THADA: variants seen among roughly 807,000 people sequenced by gnomAD.
THADA encodes the protein tRNA (32-2'-O)-methyltransferase regulator THADA.
THADA carries 213 observed loss-of-function variants against 219.8 expected under a neutral mutation model. That is an observed-to-expected ratio of 0.97 (90% CI 0.87 to 1.09). The LOEUF (loss-of-function observed/expected upper bound fraction) is 1.09, where lower values mean the gene tolerates loss of function less well. Ranked by LOEUF, THADA falls within the 50% of genes least tolerant of loss-of-function variation. The probability of loss-of-function intolerance (pLI) is 0.00; values close to 1 mark genes in which losing one functional copy is unlikely to be tolerated. For synonymous variants in THADA, 1,018 were observed against 828.9 expected, an observed-to-expected ratio of 1.23 and a Z score of -3.92; for missense variants, 2,956 against 2,311.3, an observed-to-expected ratio of 1.28 and a Z score of -5.72.
At chr2:43,479,346 T>C (rs1186751262) in intron 26 of THADA, among the ~76,000 whole-genome samples, 2 of 152,126 alleles carry the variant, frequency 1.3e-5, no homozygotes, top group African/African-American at 2.4e-5. Flanking sequence ...CTTACACAAA[T>C]TGCTTAACTT....
intron 26 of THADA, among the ~76,000 whole-genome samples, chr2:43,476,194 GT>G (rs1685520967): frequency 6.6e-6 from 1 of 152,220 alleles, no homozygotes; most frequent in African/African-American, 2.4e-5. Flanking sequence ...GAAGAAAAGT[GT>G]GTAGAGTGTG....
intron 22 of THADA, among the ~76,000 whole-genome samples, chr2:43,525,726 A>C (rs1693089317): frequency 6.6e-6 from 1 of 152,224 alleles, no homozygotes; most frequent in Middle Eastern, 3.2e-3. Flanking sequence ...AGCCCTGCCC[A>C]AATTGTTGAG....
At chr2:43,584,129 T>C (rs565860603) in intron 7 of THADA, among the ~76,000 whole-genome samples, 1 of 146,554 alleles carries the variant, frequency 6.8e-6, no homozygotes, top group East Asian at 2.0e-4. Context: ...TCACCTAGAA[T>C]AGGCAAATTC....
intron 31 of THADA, among the ~76,000 whole-genome samples, chr2:43,305,472 C>T (rs3862993): frequency 0.23 from 35,314 of 152,110 alleles, 5,201 homozygotes; most frequent in African/African-American, 0.41. Flanking sequence ...TCTGCTTACA[C>T]AGGTGTGGCC....
intron 26 of THADA, among the ~76,000 whole-genome samples, chr2:43,444,902 T>A (rs921335716): frequency 3.9e-5 from 6 of 152,050 alleles, no homozygotes; most frequent in African/African-American, 1.4e-4. Context: ...GAAACAGTAG[T>A]AAAGGTGTGG....
chr2:43,468,757 T>C (rs890264360), intron 26 of THADA, among the ~76,000 whole-genome samples: 3 of 152,038 alleles, frequency 2.0e-5, no homozygotes, highest in African/African-American at 7.3e-5. Context: ...GCATACAGAA[T>C]CTGGGGCACA....
At chr2:43,571,059 C>T (rs1318999848) in intron 13 of THADA, among the ~76,000 whole-genome samples, 2 of 152,052 alleles carry the variant, frequency 1.3e-5, no homozygotes, top group East Asian at 1.9e-4. Context: ...AGTTTAAGAC[C>T]AGCCTGGGTA....
At chr2:43,291,469 A>AAAAAAAAAAAAAAAAAAAAAAAAAAAAC (rs1674706231) in intron 34 of THADA, among the ~76,000 whole-genome samples, 1 of 148,082 alleles carries the variant, frequency 6.8e-6, no homozygotes, top group Non-Finnish European at 1.5e-5. Flanking sequence ...AAAAAAAAAA[A>AAAAAAAAAAAAAAAAAAAAAAAAAAAAC]AAAAAAAAAA....
chr2:43,532,960 CAATGG>C (rs1214514800), intron 21 of THADA, among the ~76,000 whole-genome samples: 2 of 152,034 alleles, frequency 1.3e-5, no homozygotes. Context: ...ACAACCTACA[CAATGG>C]GAGAAAATTT....
At chr2:43,239,839 A>G (rs1181039670) in intron 36 of THADA, among the ~76,000 whole-genome samples, 1 of 152,086 alleles carries the variant, frequency 6.6e-6, no homozygotes, top group East Asian at 1.9e-4. Flanking sequence ...CTGCCATCCA[A>G]CCAACTCACC....
chr2:43,533,240 CAGATGCTGG>C (rs1694121456), intron 21 of THADA, among the ~76,000 whole-genome samples: 1 of 152,178 alleles, frequency 6.6e-6, no homozygotes, highest in Admixed American at 6.5e-5. Context: ...CTGGAAACAA[CAGATGCTGG>C]AGAGGATGTG....
chr2:43,270,460 C>T (rs1468799114), intron 36 of THADA, among the ~76,000 whole-genome samples: 1 of 152,186 alleles, frequency 6.6e-6, no homozygotes, highest in Non-Finnish European at 1.5e-5. Flanking sequence ...ACTCCAGTGT[C>T]TTCTTTCAAA....
chr2:43,352,613 A>C (rs1243421854), intron 29 of THADA, among the ~76,000 whole-genome samples: 1 of 152,052 alleles, frequency 6.6e-6, no homozygotes, highest in Non-Finnish European at 1.5e-5. Flanking sequence ...GACAAAGTTA[A>C]TTTTTTAAAA....
rs187992413 is a variant in THADA at position 43,378,878 on chromosome 2, T to C, written c.4227+19093A>G. 6.6e-5 allele frequency among the ~76,000 whole-genome samples: 10 copies of C among 152,290 alleles called. No homozygotes were observed. In the East Asian group the frequency reaches 1.5e-3, roughly 23 times the overall value. On this transcript the variant is annotated intron_variant, in intron 29 of 37. Coordinates refer to ENST00000405975, the MANE Select transcript of THADA (RefSeq NM_022065.5). ...GCCCTGGCCTCCCAAAGTGCTGGGA[T>C]TGCAGACGTGAGCCATCGCACCAGC...
chr2:43,400,457 T>TTATGTATATATATATATATA, intron 28 of THADA, among the ~76,000 whole-genome samples: 1 of 89,918 alleles, frequency 1.1e-5, no homozygotes, highest in African/African-American at 3.9e-5. Context: ...ATAGACAAAT[T>TTATGTATATATATATATATA]TATATATATA....
chr2:43,524,379 G>A (rs558510037), intron 22 of THADA, among the ~76,000 whole-genome samples: 1 of 152,142 alleles, frequency 6.6e-6, no homozygotes, highest in Non-Finnish European at 1.5e-5. Context: ...AACAATGTGG[G>A]TCATGTTTAA....
intron 28 of THADA, among the ~76,000 whole-genome samples, chr2:43,419,446 G>C (rs1475871097): frequency 1.3e-5 from 2 of 152,128 alleles, no homozygotes. Flanking sequence ...GGGGGCCAAG[G>C]CCCAGAGGGA....
At chr2:43,564,533 A>T (rs1698445570) in intron 15 of THADA, 1 of 152,264 alleles carries the variant, frequency 6.6e-6, no homozygotes, top group Non-Finnish European at 1.5e-5. Context: ...TGATCCATCA[A>T]GATAATCTAG....
intron 25 of THADA, chr2:43,492,049 A>G (rs1687697454): frequency 6.6e-6 from 1 of 152,264 alleles, no homozygotes; most frequent in African/African-American, 2.4e-5. Flanking sequence ...GCAGTAGCTT[A>G]CACCTGTAAT....
Sources: gnomAD v4.1 joint callset for allele counts (sites outside exome capture counted in the v4.1 genomes callset) on GRCh38, gnomAD v4.1.1 for gene constraint, MANE v1.5 for transcripts, NCBI Gene and HGNC (gene_info 2026-07-23, HGNC 2026-07-21) for gene names.